Variants in HYCC2 observed in about 807,000 individuals in gnomAD.
HYCC2 encodes the protein hyccin 2.
the HYCC2 span, among the ~76,000 whole-genome samples, chr2:201,000,549 C>G: frequency 6.6e-6 from 1 of 151,918 alleles, no homozygotes; most frequent in Non-Finnish European, 1.5e-5. Flanking sequence ...ATTAAGATGG[C>G]TACAATAAAA....
At chr2:201,017,255 TATA>T in the HYCC2 span, 1 of 973,366 alleles carries the variant, frequency 1.0e-6, no homozygotes, top group Middle Eastern at 2.3e-4. Flanking sequence ...CCTATATCTG[TATA>T]ATATTTTTAA....
At chr2:201,005,433 C>T in the HYCC2 span, among the ~76,000 whole-genome samples, 1 of 152,030 alleles carries the variant, frequency 6.6e-6, no homozygotes, top group African/African-American at 2.4e-5. Flanking sequence ...CCACCTAAGG[C>T]AGTGGTTCCA....
chr2:201,022,811 T>G, the HYCC2 span: 2 of 1,448,600 alleles, frequency 1.4e-6, no homozygotes, highest in Non-Finnish European at 1.9e-6. Flanking sequence ...GTAGAAATTA[T>G]TTTTCTTGAG....
chr2:201,066,995 G>A, the HYCC2 span: 1 of 325,688 alleles, frequency 3.1e-6, no homozygotes, highest in Non-Finnish European at 6.1e-6. Context: ...GAAGAAGATA[G>A]AAGACAACAT....
chr2:201,059,255 C>T, the HYCC2 span, among the ~76,000 whole-genome samples: 3 of 152,318 alleles, frequency 2.0e-5, no homozygotes, highest in East Asian at 5.8e-4. Context: ...ATAAATCACA[C>T]ACAACCTTAT....
At chr2:201,043,432 T>TAAAAAAA in the HYCC2 span, among the ~76,000 whole-genome samples, 5 of 74,896 alleles carry the variant, frequency 6.7e-5, no homozygotes, top group Non-Finnish European at 8.6e-5. Context: ...CAATAAATAC[T>TAAAAAAA]AAAAAAAAAA....
At chr2:200,988,228 C>T in the HYCC2 span, 1 of 1,554,788 alleles carries the variant, frequency 6.4e-7, no homozygotes, top group Non-Finnish European at 8.7e-7. Flanking sequence ...ATTTACTTGA[C>T]TCCATGTGTG....
the HYCC2 span, among the ~76,000 whole-genome samples, chr2:201,043,510 T>G: frequency 1.3e-5 from 2 of 150,514 alleles, no homozygotes; most frequent in Non-Finnish European, 3.0e-5. Context: ...TTTTCTTTTT[T>G]TCTTTTTTTT....
chr2:201,022,213 G>C, the HYCC2 span: 159 of 569,542 alleles, frequency 2.8e-4, 1 homozygote, highest in Non-Finnish European at 4.1e-4. Context: ...ATACTACTGT[G>C]TTAATGGAAA....
the HYCC2 span, chr2:201,071,657 C>G: frequency 6.5e-6 from 1 of 153,922 alleles, no homozygotes; most frequent in Non-Finnish European, 1.4e-5. Flanking sequence ...CCTCCCGCAG[C>G]AGCCTGCCAA....
At chr2:201,014,225 T>C in the HYCC2 span, among the ~76,000 whole-genome samples, 5 of 152,214 alleles carry the variant, frequency 3.3e-5, no homozygotes, top group African/African-American at 7.2e-5. Flanking sequence ...ATAAAAATGA[T>C]AGCTTAATGC....
chr2:200,995,219 A>G, the HYCC2 span, among the ~76,000 whole-genome samples: 1 of 152,202 alleles, frequency 6.6e-6, no homozygotes, highest in African/African-American at 2.4e-5. Context: ...ATTTTTAAGT[A>G]ATCTATAAAA....
the HYCC2 span, among the ~76,000 whole-genome samples, chr2:201,027,483 A>T: frequency 6.6e-6 from 1 of 152,214 alleles, no homozygotes; most frequent in African/African-American, 2.4e-5. Context: ...CATCATCCTG[A>T]TACCAAAGCC....
the HYCC2 span, among the ~76,000 whole-genome samples, chr2:201,036,841 A>G: frequency 6.6e-6 from 1 of 152,236 alleles, no homozygotes; most frequent in African/African-American, 2.4e-5. Flanking sequence ...GGCACAAGAT[A>G]GGGATGCCCT....
the HYCC2 span, among the ~76,000 whole-genome samples, chr2:200,985,394 C>T: frequency 1.3e-5 from 2 of 152,086 alleles, no homozygotes; most frequent in African/African-American, 4.8e-5. Context: ...GGGGCGGTGG[C>T]TCATGCCTGT....
At chr2:201,028,892 A>C in the HYCC2 span, among the ~76,000 whole-genome samples, 1 of 152,224 alleles carries the variant, frequency 6.6e-6, no homozygotes. Flanking sequence ...ACCATTCAGG[A>C]CATAGGCATG....
At chr2:201,035,069 A>C in the HYCC2 span, among the ~76,000 whole-genome samples, 1 of 152,082 alleles carries the variant, frequency 6.6e-6, no homozygotes, top group Non-Finnish European at 1.5e-5. Flanking sequence ...TGAATCTGAC[A>C]ATTATGTGTC....
chr2:201,022,098 A>T, the HYCC2 span: 2 of 1,289,588 alleles, frequency 1.6e-6, no homozygotes, highest in South Asian at 1.2e-5. Context: ...CAGCAGAGGC[A>T]CTCTTGGAGG....
At chr2:201,028,850 C>T in the HYCC2 span, among the ~76,000 whole-genome samples, 1 of 152,108 alleles carries the variant, frequency 6.6e-6, no homozygotes, top group Admixed American at 6.5e-5. Context: ...AGACCTAAAA[C>T]CATAAAAACC....
Sources: gnomAD v4.1 joint callset for allele counts (sites outside exome capture counted in the v4.1 genomes callset) on GRCh38, gnomAD v4.1.1 for gene constraint, MANE v1.5 for transcripts, NCBI Gene and HGNC (gene_info 2026-07-23, HGNC 2026-07-21) for gene names.